Variants in C2CD2 observed in about 807,000 individuals in gnomAD.
C2CD2 encodes the protein C2 domain-containing protein 2.
C2CD2 carries 43 observed loss-of-function variants against 74.3 expected under a neutral mutation model. That is an observed-to-expected ratio of 0.58 (90% CI 0.45 to 0.75). The LOEUF is 0.75. Among genes scored for constraint, C2CD2 ranks in the 30% least tolerant of loss-of-function variants. The probability of loss-of-function intolerance (pLI) is 0.00; values close to 1 mark genes in which losing one functional copy is unlikely to be tolerated. For missense variants in C2CD2, 801 were observed against 916.3 expected (o/e 0.87, Z 1.63); for synonymous variants, 422 against 390.7 (o/e 1.08, Z -0.94).
chr21:41,893,741 G>A (rs1028611411), intron 13 of C2CD2, among the ~76,000 whole-genome samples: 2 of 131,276 alleles, frequency 1.5e-5, no homozygotes, highest in Non-Finnish European at 3.1e-5. Context: ...TCGCTCTGTC[G>A]CCCAGGCTGG....
chr21:41,928,687 G>A (rs1398274279), intron 2 of C2CD2, among the ~76,000 whole-genome samples: 2 of 151,732 alleles, frequency 1.3e-5, no homozygotes, highest in East Asian at 1.9e-4. Context: ...GCAGGGGACC[G>A]CCCCCCACCC....
chr21:41,908,481 A>G (rs1429303260), intron 8 of C2CD2: 2 of 152,418 alleles, frequency 1.3e-5, no homozygotes, highest in East Asian at 1.9e-4. Context: ...GAATGGGATC[A>G]GAAGTTGACT....
Position 41,899,117 on chromosome 21 carries a change from G to A in C2CD2, c.1806C>T (p.Asp602=), listed in dbSNP as rs146770223. The A allele has an allele frequency of 2.2e-5, 35 of 1,613,876 alleles. No homozygotes were observed. Among genetic ancestry groups the A allele is most frequent in the Middle Eastern group, 1.6e-4 (1 of 6,062 alleles). The part of the protein sequence containing the change: ...AWSSQVLLDP[D]GDELSESSMS... The stretch of plus-strand genomic sequence containing the variant: ...TGGAGCTCTCTGACAGCTCATCACC[G>A]TCGGGGTCCAGCAGGACCTGGCTGC... The change falls in exon 13 of 14, where the codon GAC becomes GAT. Residue 602 remains aspartate, a synonymous_variant. Transcript: ENST00000380486. The surrounding 1 kb of genome is among the most constrained non-coding windows in gnomAD (Gnocchi z 4.4).
rs2064923405 is a variant in C2CD2 at position 41,903,492 on chromosome 21, G to T, written c.1433-1743C>A. Among the ~76,000 whole-genome samples, 1 of 151,848 alleles carries T rather than the reference G, an allele frequency of 6.6e-6. No individual in the cohort carries two copies. Among genetic ancestry groups the T allele is most frequent in the Non-Finnish European group, 1.5e-5 (1 of 67,938 alleles). ...CCCAGTTGGTGTCTGCAGAGAAACA[G>T]AAAATTGCTTGCCATAGAAAATCTA... On this transcript the variant is annotated intron_variant, in intron 11 of 13. Transcript: ENST00000380486. The surrounding 1 kb of genome is among the most constrained non-coding windows in gnomAD (Gnocchi z 4.5).
chr21:41,928,544 CAAAAAAAAAA>C (rs59346777), intron 2 of C2CD2, among the ~76,000 whole-genome samples: 78 of 72,260 alleles, frequency 1.1e-3, no homozygotes, highest in Non-Finnish European at 6.3e-4. Flanking sequence ...TAAAGCAAAG[CAAAAAAAAAA>C]AAAAAAAAAA....
chr21:41,907,897 C>A, intron 8 of C2CD2, 113 bp from the exon 9 acceptor site: 1 of 1,093,874 alleles, frequency 9.1e-7, no homozygotes, highest in Non-Finnish European at 1.4e-6. Context: ...TGCATCCAGC[C>A]CACGGGGAAG....
chr21:41,895,039 T>C lies in C2CD2; in HGVS notation c.1870+4014A>G, dbSNP rs1252265631. 2.2e-6 allele frequency: 1 copy of C among 445,492 alleles called. No individual in the cohort carries two copies. The highest frequency in any genetic ancestry group is 3.3e-4 in the Middle Eastern group (1 of 3,000). 27.6% of individuals were successfully genotyped at this position (445,492 alleles called of 1,614,324 possible). ...GCACTGAGGTGCGGCTGGGAAGGCATTGTGTAGATGTGGATAACAACTCCA... is the reference window on the plus strand; with the variant it reads ...GCACTGAGGTGCGGCTGGGAAGGCACTGTGTAGATGTGGATAACAACTCCA... On this transcript the variant is annotated intron_variant, in intron 13 of 13. Coordinates refer to ENST00000380486, the MANE Select transcript of C2CD2 (RefSeq NM_015500.2). The surrounding 1 kb of genome is among the most constrained non-coding windows in gnomAD (Gnocchi z 5.0).
rs759839763 is a variant in C2CD2 at position 41,929,586 on chromosome 21, T to G, written c.379-7501A>C. 6.6e-6 allele frequency among the ~76,000 whole-genome samples: 1 copy of G among 152,224 alleles called. No individual in the cohort carries two copies. The highest frequency in any genetic ancestry group is 2.4e-5 in the African/African-American group (1 of 41,448). On this transcript the variant is annotated intron_variant, in intron 2 of 13. Coordinates refer to ENST00000380486, the MANE Select transcript of C2CD2 (RefSeq NM_015500.2). The surrounding 1 kb of genome is among the most constrained non-coding windows in gnomAD (Gnocchi z 4.6). The stretch of plus-strand genomic sequence containing the variant: ...CCCAGACTAGGTGGGTTATAACTTT[T>G]ATTTAAAACTTTCAGTTCCAGCTGA...
chr21:41,947,139 T>TCTCTCTCTCTCTCTCTCTCTCTCC lies in C2CD2; in HGVS notation c.280-4895_280-4894insGGAGAGAGAGAGAGAGAGAGAGAG, dbSNP rs1365076208. Among the ~76,000 whole-genome samples, 53 of 122,364 alleles carry TCTCTCTCTCTCTCTCTCTCTCTCC rather than the reference T, an allele frequency of 4.3e-4. 2 individuals are homozygous for TCTCTCTCTCTCTCTCTCTCTCTCC. Among genetic ancestry groups the TCTCTCTCTCTCTCTCTCTCTCTCC allele is most frequent in the South Asian group, 9.5e-4 (3 of 3,156 alleles). The allele number at this position is 122,364 out of a possible 152,430, so 80.3% of individuals were successfully genotyped here. On this transcript the variant is annotated intron_variant, in intron 1 of 13. Transcript: ENST00000380486. Reference sequence around the variant, plus strand: ...CTCTCTCTCTCTCTCTCTCTCTCTCTCCCTCCCTCCCTCCCTCCCTCTCTC... The same window carrying TCTCTCTCTCTCTCTCTCTCTCTCC: ...CTCTCTCTCTCTCTCTCTCTCTCTCTCTCTCTCTCTCTCTCTCTCTCTCCCCCTCCCTCCCTCCCTCCCTCTCTC...
At chr21:41,952,544 T>C (rs1006676716) in intron 1 of C2CD2, among the ~76,000 whole-genome samples, 2 of 152,258 alleles carry the variant, frequency 1.3e-5, no homozygotes, top group Non-Finnish European at 2.9e-5. Flanking sequence ...TCCTGTGAAA[T>C]GCCTAAGAAT....
At chr21:41,894,945 C>A (rs1314600338) in intron 13 of C2CD2, 2 of 456,570 alleles carry the variant, frequency 4.4e-6, no homozygotes, top group Non-Finnish European at 8.8e-6. Context: ...CTGCCCACCT[C>A]CACGAGCAAC....
At position 41,895,256 on chromosome 21, in the gene C2CD2, T is replaced by C. The variant is rs1324220567; in HGVS notation, c.1870+3797A>G. On this transcript the variant is annotated intron_variant, in intron 13 of 13. Transcript: ENST00000380486. This position sits in a 1 kb window ranked among gnomAD's most constrained non-coding sequence, Gnocchi z 5.0. ...GCGGATTTCAGACCTGTCAATCTCATGAGTCAGTTCCTTAAATATGTAACC... is the reference window on the plus strand; with the variant it reads ...GCGGATTTCAGACCTGTCAATCTCACGAGTCAGTTCCTTAAATATGTAACC... Among the ~76,000 whole-genome samples the C allele has an allele frequency of 6.6e-6, 1 of 152,210 alleles. No homozygotes were observed. Among genetic ancestry groups the C allele is most frequent in the South Asian group, 2.1e-4 (1 of 4,834 alleles).
intron 3 of C2CD2, 116 bp downstream of exon 3, chr21:41,921,852 CATGA>C (rs1331746142): frequency 1.5e-6 from 1 of 650,500 alleles, no homozygotes; most frequent in Non-Finnish European, 2.7e-6. Context: ...AAAATTATGA[CATGA>C]ATGATAATTA....
At position 41,953,619 on chromosome 21, in the gene C2CD2, G is replaced by T; in HGVS notation, c.30C>A (p.Leu10=). Residue 10 remains leucine (L), a synonymous_variant, in exon 1 of 14, where the codon CTC becomes CTA. Coordinates refer to ENST00000380486, the MANE Select transcript of C2CD2 (RefSeq NM_015500.2). ...CCAGCGCGAGCCACTGCGCCTCCCC[G>T]AGCCACGAGCCCAGCCGGGCCATGG... The part of the protein sequence containing the change: MAMARLGSW[L]GEAQWLALVS... The T allele has an allele frequency of 6.7e-7, 1 of 1,495,098 alleles. No individual in the cohort carries two copies. Among genetic ancestry groups the T allele is most frequent in the East Asian group, 2.9e-5 (1 of 34,842 alleles). The allele number at this position is 1,495,098 out of a possible 1,614,324, so 92.6% of individuals were successfully genotyped here.
rs752914523 is a variant in C2CD2 at position 41,901,755 on chromosome 21, AG to A, written c.1433-7del. 1 of 1,613,800 alleles carries A rather than the reference AG, an allele frequency of 6.2e-7. No homozygotes were observed. The highest frequency in any genetic ancestry group is 2.2e-5 in the East Asian group (1 of 44,890). On this transcript the variant is annotated splice_region_variant and splice_polypyrimidine_tract_variant and intron_variant, in intron 11 of 13. Coordinates refer to ENST00000380486, the MANE Select transcript of C2CD2 (RefSeq NM_015500.2). ...ACCATTCAACACCAACAATTCTACC[AG>A]AAGGAAGGCAGTGTTAAGTTCATCA...
intron 13 of C2CD2, among the ~76,000 whole-genome samples, chr21:41,896,745 A>T (rs2064828819): frequency 6.8e-6 from 1 of 147,268 alleles, no homozygotes; most frequent in Non-Finnish European, 1.5e-5. Context: ...TTTAGTTTTT[A>T]AAAAAAGACA....
rs141831354 is a variant in C2CD2 at position 41,917,924 on chromosome 21, A to G, written c.720+181T>C. 8.1e-3 allele frequency among the ~76,000 whole-genome samples: 1,232 copies of G among 152,278 alleles called. 12 individuals are homozygous for G. Among genetic ancestry groups the G allele is most frequent in the Middle Eastern group, 0.017 (5 of 294 alleles). ...CCACTTCATGAAGCTTTGCAGCCCC[A>G]TGCTCCAAACCCAAGGCTTTATCCC... On this transcript the variant is annotated intron_variant, in intron 5 of 13. Transcript: ENST00000380486.
In C2CD2 at chr21:41,888,774, G is replaced by T; in HGVS notation, c.*350C>A. ...TGTTAGTGTAGAATAGGTAAACTAA[G>T]TCCCTCAAACCTGCCCTCCACAATC... is the stretch of plus-strand genomic sequence containing the variant. On this transcript the variant is annotated 3_prime_UTR_variant, in exon 14 of 14. Transcript: ENST00000380486. The T allele has an allele frequency of 3.5e-6, 1 of 288,316 alleles. No homozygotes were observed. Among genetic ancestry groups the T allele is most frequent in the Non-Finnish European group, 6.6e-6 (1 of 150,642 alleles). 17.9% of individuals were successfully genotyped at this position (288,316 alleles called of 1,614,324 possible).
chr21:41,935,809 G>C (rs1184733421), intron 2 of C2CD2, among the ~76,000 whole-genome samples: 1 of 151,914 alleles, frequency 6.6e-6, no homozygotes, highest in Non-Finnish European at 1.5e-5. Context: ...CCAAGGTCGC[G>C]CTCCAGCCTG....
Sources: allele counts gnomAD v4.1 joint callset (sites outside exome capture counted in the v4.1 genomes callset), GRCh38; gene constraint gnomAD v4.1.1; non-coding constraint Gnocchi (gnomAD v3.1); transcripts MANE v1.5; gene names NCBI Gene and HGNC (gene_info 2026-07-23, HGNC 2026-07-21).